Variants in CELF2 observed in about 807,000 individuals in gnomAD.
CELF2 encodes CUGBP Elav-like family member 2, also known as CUG triplet repeat RNA-binding protein 2.
In CELF2, 8 loss-of-function variants were observed where a neutral mutation model predicts 62.6. The observed-to-expected ratio is 0.13, with a 90% confidence interval of 0.07 to 0.23. The LOEUF (loss-of-function observed/expected upper bound fraction) is 0.23, where lower values mean the gene tolerates loss of function less well. Ranked by LOEUF, CELF2 falls within the 10% of genes least tolerant of loss-of-function variation. The pLI, the probability that CELF2 is intolerant of heterozygous loss-of-function variation, is 1.00. For synonymous variants in CELF2, 258 were observed against 250.0 expected, an observed-to-expected ratio of 1.03 and a Z score of -0.30; for missense variants, 333 against 671.0, an observed-to-expected ratio of 0.50 and a Z score of 5.56.
chr10:11,130,351 C>T (rs1305636549), intron 1 of CELF2, among the ~76,000 whole-genome samples: 1 of 152,234 alleles, frequency 6.6e-6, no homozygotes, highest in Non-Finnish European at 1.5e-5. Flanking sequence ...CCAAAACTGT[C>T]TCACAAGCTC....
the CELF2 span, among the ~76,000 whole-genome samples, chr10:10,492,233 G>A: frequency 6.6e-6 from 1 of 151,994 alleles, no homozygotes; most frequent in African/African-American, 2.4e-5. Flanking sequence ...TCTCTAATCC[G>A]TTTGCACAAC....
chr10:10,835,746 C>A (rs1216955144), intron 1 of CELF2, among the ~76,000 whole-genome samples: 1 of 152,204 alleles, frequency 6.6e-6, no homozygotes. Flanking sequence ...TTGCATGCCA[C>A]GGTAGAAAAA....
intron 1 of CELF2, among the ~76,000 whole-genome samples, chr10:11,066,835 G>A (rs1032183745): frequency 3.3e-5 from 5 of 152,074 alleles, no homozygotes; most frequent in Non-Finnish European, 7.4e-5. Context: ...TAAGAGACTT[G>A]CATGTGTATA....
intron 8 of CELF2, among the ~76,000 whole-genome samples, chr10:11,275,865 G>A (rs752089914): frequency 1.6e-4 from 25 of 152,210 alleles, no homozygotes; most frequent in Admixed American, 7.2e-4. Context: ...GGCAGCGAGC[G>A]CAATAAATCA....
At chr10:10,963,095 C>T (rs1173908229) in intron 2 of CELF2, among the ~76,000 whole-genome samples, 1 of 151,950 alleles carries the variant, frequency 6.6e-6, no homozygotes, top group East Asian at 1.9e-4. Context: ...GGCTGGAGTG[C>T]AGTGTCATGA....
chr10:11,263,585 C>T (rs1342133779), intron 5 of CELF2, among the ~76,000 whole-genome samples: 2 of 152,164 alleles, frequency 1.3e-5, no homozygotes, highest in Admixed American at 6.5e-5. Context: ...CAGTGAACAC[C>T]ACCGCACCCA....
At chr10:11,173,287 T>C (rs1053707615) in intron 2 of CELF2, among the ~76,000 whole-genome samples, 2 of 152,150 alleles carry the variant, frequency 1.3e-5, no homozygotes, top group African/African-American at 4.8e-5. Context: ...CGCTGTTAGT[T>C]ACTCTGAAAC....
At chr10:10,762,509 A>T in the CELF2 span, among the ~76,000 whole-genome samples, 11 of 152,158 alleles carry the variant, frequency 7.2e-5, no homozygotes, top group African/African-American at 2.2e-4. Flanking sequence ...AGGGTCCTGG[A>T]AGGGGAGTCA....
Position 11,321,963 on chromosome 10 carries a change from CT to C in CELF2, c.1294+578del, listed in dbSNP as rs2095464985. 2.0e-5 allele frequency among the ~76,000 whole-genome samples: 3 copies of C among 152,240 alleles called. No homozygotes were observed. Among genetic ancestry groups the C allele is most frequent in the Admixed American group, 1.3e-4 (2 of 15,284 alleles). Reference sequence around the variant, plus strand: ...CAAATATCCTCTCACTGCTCACCCCCTGCCATAATTAAGTTCTATAAACTAT... The same window carrying C: ...CAAATATCCTCTCACTGCTCACCCCCGCCATAATTAAGTTCTATAAACTAT... On this transcript the variant is annotated intron_variant, in intron 11 of 12. Coordinates refer to ENST00000633077, the MANE Select transcript of CELF2 (RefSeq NM_001326342.2). The surrounding 1 kb of genome is among the most constrained non-coding windows in gnomAD (Gnocchi z 6.2).
chr10:11,053,323 T>G (rs531972275), intron 1 of CELF2, among the ~76,000 whole-genome samples: 2 of 152,242 alleles, frequency 1.3e-5, no homozygotes, highest in African/African-American at 4.8e-5. Context: ...CAGAATACTC[T>G]GATCTCTCTC....
At chr10:11,027,446 G>A (rs1387999633) in intron 1 of CELF2, among the ~76,000 whole-genome samples, 1 of 151,902 alleles carries the variant, frequency 6.6e-6, no homozygotes, top group Non-Finnish European at 1.5e-5. Flanking sequence ...CCCCTTTCCT[G>A]TGTTGGAGAG....
At chr10:10,837,683 T>C (rs1195339213) in intron 1 of CELF2, among the ~76,000 whole-genome samples, 1 of 152,204 alleles carries the variant, frequency 6.6e-6, no homozygotes. Context: ...CCCCACTCAA[T>C]TATTCCAAAC....
At chr10:11,236,993 T>A (rs1264388531) in intron 3 of CELF2, among the ~76,000 whole-genome samples, 1 of 152,120 alleles carries the variant, frequency 6.6e-6, no homozygotes, top group Admixed American at 6.5e-5. Flanking sequence ...TGGATATTAA[T>A]TTGGTAGATA....
the CELF2 span, among the ~76,000 whole-genome samples, chr10:10,484,746 G>T: frequency 5.3e-5 from 8 of 152,018 alleles, no homozygotes; most frequent in African/African-American, 1.9e-4. Flanking sequence ...GCTTTCAATA[G>T]ATGATGAACC....
intron 1 of CELF2, among the ~76,000 whole-genome samples, chr10:11,073,907 T>A (rs2070996013): frequency 6.6e-6 from 1 of 152,248 alleles, no homozygotes; most frequent in Non-Finnish European, 1.5e-5. Flanking sequence ...GTTTTCATAC[T>A]GTTATCAAAT....
the CELF2 span, among the ~76,000 whole-genome samples, chr10:10,608,475 A>G: frequency 6.6e-6 from 1 of 152,186 alleles, no homozygotes; most frequent in Admixed American, 6.5e-5. Context: ...GATGCTGCAG[A>G]TGTCTCTGTT....
chr10:11,137,375 T>C (rs1019614528), intron 1 of CELF2, among the ~76,000 whole-genome samples: 2 of 152,166 alleles, frequency 1.3e-5, no homozygotes, highest in African/African-American at 4.8e-5. Flanking sequence ...TCTTTGGGAG[T>C]TGGATGCATA....
chr10:10,687,582 TATCTCCCTA>T, the CELF2 span, among the ~76,000 whole-genome samples: 1 of 152,212 alleles, frequency 6.6e-6, no homozygotes, highest in Non-Finnish European at 1.5e-5. Flanking sequence ...GCTGGCTAAA[TATCTCCCTA>T]GGGCACTCAC....
chr10:11,125,224 A>G (rs1750728), intron 1 of CELF2, among the ~76,000 whole-genome samples: 24,484 of 152,158 alleles, frequency 0.16, 2,910 homozygotes, highest in East Asian at 0.54. Context: ...CAGGGGCCAT[A>G]CAAACCAAAC....
Sources: gnomAD v4.1 joint callset for allele counts (sites outside exome capture counted in the v4.1 genomes callset) on GRCh38, gnomAD v4.1.1 for gene constraint, Gnocchi (gnomAD v3.1) non-coding constraint, MANE v1.5 for transcripts, NCBI Gene and HGNC (gene_info 2026-07-23, HGNC 2026-07-21) for gene names.